Variants in NSMCE1 observed in about 807,000 individuals in gnomAD.
NSMCE1 encodes the protein non-structural maintenance of chromosomes element 1 homolog.
NSMCE1 carries 18 observed loss-of-function variants against 29.6 expected under a neutral mutation model. The ratio of observed to expected loss-of-function variants is 0.61; its 90% CI spans 0.42 to 0.90. The LOEUF is 0.90. NSMCE1 is among the 40% of genes least tolerant of loss of function. The pLI is 0.00. For synonymous variants in NSMCE1, 124 were observed against 133.4 expected, an observed-to-expected ratio of 0.93 and a Z score of 0.49; for missense variants, 314 against 343.6, an observed-to-expected ratio of 0.91 and a Z score of 0.68.
At chr16:27,253,603 C>T (rs2084056316) in intron 2 of NSMCE1, among the ~76,000 whole-genome samples, 1 of 152,164 alleles carries the variant, frequency 6.6e-6, no homozygotes, top group East Asian at 1.9e-4. Context: ...TCTCCACCAC[C>T]CCCGAGGCCT....
chr16:27,267,953 G>A (rs1160552416), intron 1 of NSMCE1, among the ~76,000 whole-genome samples: 1 of 152,096 alleles, frequency 6.6e-6, no homozygotes, highest in Non-Finnish European at 1.5e-5. Context: ...ATATTAGCCA[G>A]GCTGGTTTCG....
intron 2 of NSMCE1, among the ~76,000 whole-genome samples, chr16:27,249,060 G>C (rs1261357457): frequency 1.3e-5 from 2 of 152,044 alleles, no homozygotes; most frequent in African/African-American, 4.8e-5. Context: ...AAACTCCTGA[G>C]CTCAAGCAAT....
At chr16:27,230,763 G>A (rs911101226) in intron 5 of NSMCE1, 1 of 152,354 alleles carries the variant, frequency 6.6e-6, no homozygotes, top group East Asian at 1.9e-4. Context: ...CAGCGCTCCT[G>A]CAGGTGGCAG....
chr16:27,253,800 T>G (rs1245447903), intron 2 of NSMCE1, among the ~76,000 whole-genome samples: 1 of 152,210 alleles, frequency 6.6e-6, no homozygotes, highest in Admixed American at 6.5e-5. Flanking sequence ...TGGATGCAAG[T>G]CCTGGCTCAA....
intron 2 of NSMCE1, among the ~76,000 whole-genome samples, chr16:27,252,977 C>T (rs2084050598): frequency 6.6e-6 from 1 of 152,088 alleles, no homozygotes; most frequent in Non-Finnish European, 1.5e-5. Flanking sequence ...TGAAGAGCTT[C>T]GGGTTATTAA....
chr16:27,252,609 C>T lies in NSMCE1; in HGVS notation c.136+4826G>A, dbSNP rs148773964. Reference sequence around the variant, plus strand: ...ACCAGCCTAGGCCACAGAAGAAGACCCCCGTCTCTACAAATAATTTAAAAC... The same window carrying T: ...ACCAGCCTAGGCCACAGAAGAAGACTCCCGTCTCTACAAATAATTTAAAAC... On this transcript the variant is annotated intron_variant, in intron 2 of 7. Coordinates refer to ENST00000361439, the MANE Select transcript of NSMCE1 (RefSeq NM_145080.4). Among the ~76,000 whole-genome samples the T allele has an allele frequency of 3.8e-3, 580 of 152,050 alleles. 1 individual carries two copies. The highest frequency in any genetic ancestry group is 6.3e-3 in the Non-Finnish European group (427 of 67,976).
At chr16:27,265,161 CTTTTTTTT>C (rs5816427) in intron 1 of NSMCE1, among the ~76,000 whole-genome samples, 52 of 82,692 alleles carry the variant, frequency 6.3e-4, no homozygotes, top group Middle Eastern at 0.011. Flanking sequence ...AATTCTTTTC[CTTTTTTTT>C]TTTTTTTTTT....
intron 1 of NSMCE1, chr16:27,268,201 C>G (rs2084249221): frequency 6.6e-6 from 1 of 152,084 alleles, no homozygotes; most frequent in African/African-American, 2.4e-5. Context: ...TTAAACGCAT[C>G]TGGCCTCGGG....
rs371340021 is a variant in NSMCE1, at chr16:27,227,750, A to T, written c.484-914T>A. Among the ~76,000 whole-genome samples the T allele has an allele frequency of 3.1e-4, 47 of 150,834 alleles. 1 individual carries two copies. Among genetic ancestry groups the T allele is most frequent in the African/African-American group, 1.1e-3 (44 of 41,130 alleles). ...TATTTTCTAATTTTTAATTTTTACA[A>T]GCAAGAGCTGTCACTCCCGTTTCTT... On this transcript the variant is annotated intron_variant, in intron 5 of 7. Transcript: ENST00000361439.
At chr16:27,242,285 T>C (rs904753010) in intron 2 of NSMCE1, among the ~76,000 whole-genome samples, 1 of 152,258 alleles carries the variant, frequency 6.6e-6, no homozygotes, top group South Asian at 2.1e-4. Flanking sequence ...CTCAGTGCTC[T>C]GACAGTAGAG....
At chr16:27,248,151 A>G (rs2083977726) in intron 2 of NSMCE1, among the ~76,000 whole-genome samples, 1 of 152,098 alleles carries the variant, frequency 6.6e-6, no homozygotes, top group African/African-American at 2.4e-5. Flanking sequence ...AAATAAAGAT[A>G]CTCTATCTCT....
chr16:27,255,033 C>A (rs887965098), intron 2 of NSMCE1, among the ~76,000 whole-genome samples: 2 of 151,894 alleles, frequency 1.3e-5, no homozygotes, highest in African/African-American at 4.8e-5. Flanking sequence ...GCATGCACCA[C>A]CACACCCGGC....
chr16:27,264,713 T>C (rs899903666), intron 1 of NSMCE1, among the ~76,000 whole-genome samples: 9 of 152,014 alleles, frequency 5.9e-5, no homozygotes, highest in Admixed American at 2.6e-4. Context: ...CACCTAAGGG[T>C]AGGGAAGGAT....
chr16:27,253,280 A>G (rs554758362), intron 2 of NSMCE1, among the ~76,000 whole-genome samples: 2 of 152,344 alleles, frequency 1.3e-5, no homozygotes, highest in East Asian at 3.9e-4. Flanking sequence ...AAGTTGGGTC[A>G]GTCTTGTGAC....
intron 2 of NSMCE1, among the ~76,000 whole-genome samples, chr16:27,235,790 G>A (rs1000169719): frequency 3.3e-5 from 5 of 151,978 alleles, no homozygotes; most frequent in African/African-American, 7.3e-5. Context: ...ATTCAATGTC[G>A]GGTTATCCTC....
At chr16:27,240,015 G>C (rs1567276594) in intron 2 of NSMCE1, among the ~76,000 whole-genome samples, 1 of 152,186 alleles carries the variant, frequency 6.6e-6, no homozygotes, top group South Asian at 2.1e-4. Context: ...AACTCCGTAA[G>C]ATGAAATCAC....
intron 2 of NSMCE1, among the ~76,000 whole-genome samples, chr16:27,244,262 C>A (rs1450295444): frequency 1.3e-5 from 2 of 152,256 alleles, no homozygotes; most frequent in Non-Finnish European, 2.9e-5. Flanking sequence ...GGTGCCCATT[C>A]TGGGCTAAGC....
At chr16:27,241,761 C>T in intron 2 of NSMCE1, 3 of 403,838 alleles carry the variant, frequency 7.4e-6, no homozygotes, top group South Asian at 5.2e-5. Flanking sequence ...CATCGGTGCA[C>T]CAGCTCATTC....
chr16:27,235,477 C>T (rs2083811337), intron 2 of NSMCE1, among the ~76,000 whole-genome samples, 178 bp from the exon 3 acceptor site: 2 of 152,134 alleles, frequency 1.3e-5, no homozygotes, highest in Admixed American at 1.3e-4. Context: ...TCCTGGAGTA[C>T]TTGGAAGACA....
Sources: allele counts gnomAD v4.1 joint callset (sites outside exome capture counted in the v4.1 genomes callset), GRCh38; gene constraint gnomAD v4.1.1; transcripts MANE v1.5; gene names NCBI Gene and HGNC (gene_info 2026-07-23, HGNC 2026-07-21).